Variants in GNG2 observed in about 807,000 individuals in gnomAD.
The protein encoded by GNG2 is G protein subunit gamma 2.
A neutral mutation model predicts 5.5 loss-of-function variants in GNG2; 5 were observed. The observed-to-expected ratio is 0.91, with a 90% confidence interval of 0.48 to 1.92. The LOEUF (loss-of-function observed/expected upper bound fraction) is 1.92. GNG2 is among the 30% of genes most tolerant of loss of function. GNG2 has a pLI of 0.01. For missense variants in GNG2, 55 were observed against 88.4 expected, an observed-to-expected ratio of 0.62 and a Z score of 1.52; for synonymous variants, 28 against 32.0, an observed-to-expected ratio of 0.88 and a Z score of 0.42.
chr14:51,958,366 G>A (rs1889386987), intron 3 of GNG2, among the ~76,000 whole-genome samples: 1 of 144,280 alleles, frequency 6.9e-6, no homozygotes, highest in Admixed American at 7.1e-5. Context: ...AAGTGTTGCT[G>A]CCCCCCAGGA....
intron 2 of GNG2, among the ~76,000 whole-genome samples, chr14:51,883,192 T>A (rs1441466258): frequency 6.6e-6 from 1 of 152,130 alleles, no homozygotes; most frequent in Non-Finnish European, 1.5e-5. Context: ...TGCATAGGGG[T>A]TTGCAGGTAA....
chr14:51,840,251 C>A (rs1340271619), intron 2 of GNG2, among the ~76,000 whole-genome samples: 1 of 152,194 alleles, frequency 6.6e-6, no homozygotes, highest in Non-Finnish European at 1.5e-5. Flanking sequence ...ACTCCCAGAA[C>A]TTTCTTCATC....
intron 2 of GNG2, among the ~76,000 whole-genome samples, chr14:51,837,646 CA>C (rs35065027): frequency 0.25 from 31,292 of 122,962 alleles, 3,676 homozygotes; most frequent in African/African-American, 0.41. Flanking sequence ...GACTCCGTTT[CA>C]AAAAAAAAAA....
chr14:51,933,335 G>C (rs1282108303), intron 2 of GNG2, among the ~76,000 whole-genome samples: 1 of 152,132 alleles, frequency 6.6e-6, no homozygotes, highest in African/African-American at 2.4e-5. Flanking sequence ...TGCAGGAAAG[G>C]CGCTGGGGGA....
intron 2 of GNG2, among the ~76,000 whole-genome samples, chr14:51,893,633 T>C (rs1195315738): frequency 1.3e-5 from 2 of 152,128 alleles, no homozygotes; most frequent in East Asian, 3.8e-4. Context: ...TTTTCCTTTA[T>C]AGTTTTTTGG....
intron 2 of GNG2, among the ~76,000 whole-genome samples, chr14:51,890,888 A>C (rs961645046): frequency 4.5e-5 from 3 of 67,370 alleles, no homozygotes; most frequent in African/African-American, 1.4e-4. Context: ...TGTTTATTTC[A>C]TATACACATG....
At chr14:51,935,663 C>G (rs1461923460) in intron 2 of GNG2, among the ~76,000 whole-genome samples, 1 of 152,032 alleles carries the variant, frequency 6.6e-6, no homozygotes, top group Non-Finnish European at 1.5e-5. Flanking sequence ...TTTTCTTTCT[C>G]CTTTCTTTTC....
At chr14:51,963,722 T>G (rs1889743293) in intron 3 of GNG2, among the ~76,000 whole-genome samples, 1 of 152,228 alleles carries the variant, frequency 6.6e-6, no homozygotes, top group Non-Finnish European at 1.5e-5. Flanking sequence ...GCTGTGTGCT[T>G]TGCTCTATGA....
chr14:51,897,999 G>C (rs1295175421), intron 2 of GNG2, among the ~76,000 whole-genome samples: 2 of 152,164 alleles, frequency 1.3e-5, no homozygotes, highest in South Asian at 2.1e-4. Flanking sequence ...CCCCGTAACT[G>C]TTCTCTAGAG....
At chr14:51,917,103 C>T (rs1447478989) in intron 2 of GNG2, among the ~76,000 whole-genome samples, 4 of 152,142 alleles carry the variant, frequency 2.6e-5, no homozygotes, top group Admixed American at 6.6e-5. Context: ...TTAGGAAAAA[C>T]GCGATTTAAT....
At chr14:51,831,684 A>G (rs978122626) in intron 2 of GNG2, among the ~76,000 whole-genome samples, 1 of 152,250 alleles carries the variant, frequency 6.6e-6, no homozygotes, top group African/African-American at 2.4e-5. Context: ...AAGGAAGTGG[A>G]CTTCAAAACA....
rs992619255 is a variant in GNG2, at chr14:51,839,298, C to G, written c.64+11491C>G. 9.9e-5 allele frequency among the ~76,000 whole-genome samples: 15 copies of G among 152,148 alleles called. No individual in the cohort carries two copies. The South Asian group carries it at 1.2e-3, about 13-fold the overall frequency. ...TCTGGAAAGGTGGGTCAACTTGAAGCAGGGAGGAGGCTTCCAGGTCATAAG... is the reference window on the plus strand; with the variant it reads ...TCTGGAAAGGTGGGTCAACTTGAAGGAGGGAGGAGGCTTCCAGGTCATAAG... On this transcript the variant is annotated intron_variant, in intron 2 of 3. Transcript: ENST00000553432.
intron 2 of GNG2, among the ~76,000 whole-genome samples, chr14:51,848,404 T>C (rs1490425999): frequency 6.6e-6 from 1 of 152,126 alleles, no homozygotes; most frequent in Non-Finnish European, 1.5e-5. Context: ...CTCTATGAAG[T>C]ATAGCCCCCG....
intron 3 of GNG2, among the ~76,000 whole-genome samples, chr14:51,964,083 T>A (rs1333217854): frequency 6.6e-6 from 1 of 152,032 alleles, no homozygotes; most frequent in South Asian, 2.1e-4. Flanking sequence ...AGATGGGAAA[T>A]TTGGTCACAC....
chr14:51,842,666 A>AT (rs35183845), intron 2 of GNG2, among the ~76,000 whole-genome samples: 29,952 of 143,432 alleles, frequency 0.21, 4,233 homozygotes, highest in African/African-American at 0.41. Flanking sequence ...ATTTGCCAGA[A>AT]TTTTTTTTTT....
At chr14:51,933,378 G>A (rs1013689025) in intron 2 of GNG2, among the ~76,000 whole-genome samples, 15 of 152,156 alleles carry the variant, frequency 9.9e-5, no homozygotes, top group African/African-American at 3.6e-4. Flanking sequence ...AAAAATTGAA[G>A]AAGAGGAAGT....
chr14:51,843,588 A>ACC (rs11371459), intron 2 of GNG2, among the ~76,000 whole-genome samples: 2 of 150,804 alleles, frequency 1.3e-5, no homozygotes, highest in Non-Finnish European at 3.0e-5. Flanking sequence ...AAAAAAAAAA[A>ACC]AAACTCAAAT....
At chr14:51,836,775 C>T (rs1881341846) in intron 2 of GNG2, among the ~76,000 whole-genome samples, 2 of 151,198 alleles carry the variant, frequency 1.3e-5, no homozygotes, top group South Asian at 4.2e-4. Flanking sequence ...AATAAAAAAA[C>T]CTTAATGCTA....
rs1410639273 is a variant in GNG2 at position 51,958,980 on chromosome 14, AT to A, written c.88-7578del. 2.0e-5 allele frequency among the ~76,000 whole-genome samples: 3 copies of A among 152,250 alleles called. No individual in the cohort carries two copies. In the East Asian group the frequency reaches 5.8e-4, roughly 29 times the overall value. ...CTAAATTTAATAGTTACTAGTTTTC[AT>A]CTTATTTGATGTCTTGGCAGCATTT... On this transcript the variant is annotated intron_variant, in intron 3 of 3. Coordinates refer to ENST00000556766, the MANE Select transcript of GNG2 (RefSeq NM_053064.5).
Sources: allele counts gnomAD v4.1 joint callset (sites outside exome capture counted in the v4.1 genomes callset), GRCh38; gene constraint gnomAD v4.1.1; transcripts MANE v1.5; gene names NCBI Gene and HGNC (gene_info 2026-07-23, HGNC 2026-07-21).